The following PAIP2 variants were observed in gnomAD, a reference collection of about 807,000 sequenced individuals.
The protein encoded by PAIP2 is poly(A) binding protein interacting protein 2, also known as polyadenylate-binding protein-interacting protein 2.
PAIP2 carries 7 observed loss-of-function variants against 14.8 expected under a neutral mutation model. The ratio of observed to expected loss-of-function variants is 0.47; its 90% CI spans 0.27 to 0.89. The LOEUF is 0.89. Ranked by LOEUF, PAIP2 falls within the 40% of genes least tolerant of loss-of-function variation. The pLI is 0.13. For synonymous variants in PAIP2, 47 were observed against 45.3 expected (o/e 1.04, Z -0.15); for missense variants, 122 against 154.7 (o/e 0.79, Z 1.12).
chr5:139,351,145 T>C (rs536011672), intron 1 of PAIP2, among the ~76,000 whole-genome samples: 1 of 152,320 alleles, frequency 6.6e-6, no homozygotes, highest in East Asian at 1.9e-4. Flanking sequence ...TCTGGGATTG[T>C]TGAAGATGCA....
intron 1 of PAIP2, among the ~76,000 whole-genome samples, chr5:139,346,483 C>T (rs1039976730): frequency 2.0e-5 from 3 of 151,668 alleles, no homozygotes; most frequent in African/African-American, 7.3e-5. Context: ...ATGATCCACC[C>T]CCTTGGCCTC....
chr5:139,342,190 T>C (rs1289042503), intron 1 of PAIP2, among the ~76,000 whole-genome samples: 1 of 152,058 alleles, frequency 6.6e-6, no homozygotes, highest in Non-Finnish European at 1.5e-5. Context: ...GGCCGTCGCT[T>C]TTTTTTCATT....
intron 1 of PAIP2, among the ~76,000 whole-genome samples, chr5:139,354,542 T>C (rs1482684001): frequency 6.6e-6 from 1 of 152,188 alleles, no homozygotes; most frequent in Non-Finnish European, 1.5e-5. Flanking sequence ...GATACATAGA[T>C]TTGTGTCTTT....
chr5:139,345,493 G>A (rs1561956041), intron 1 of PAIP2, among the ~76,000 whole-genome samples: 1 of 152,124 alleles, frequency 6.6e-6, no homozygotes, highest in Non-Finnish European at 1.5e-5. Context: ...ACGTATATAT[G>A]CGTAAAATAC....
chr5:139,342,382 T>G (rs1183698749), intron 1 of PAIP2: 3 of 152,006 alleles, frequency 2.0e-5, no homozygotes, highest in African/African-American at 4.8e-5. Flanking sequence ...CTACCCACTT[T>G]ACGCCTGCGC....
At chr5:139,349,967 A>G (rs961440003) in intron 1 of PAIP2, among the ~76,000 whole-genome samples, 12 of 151,882 alleles carry the variant, frequency 7.9e-5, no homozygotes, top group Non-Finnish European at 2.9e-5. Flanking sequence ...GCGCCACTAC[A>G]CTCCAGCCTG....
intron 1 of PAIP2, chr5:139,342,802 G>A (rs940811955): frequency 3.3e-5 from 5 of 151,974 alleles, no homozygotes; most frequent in African/African-American, 1.2e-4. Context: ...TATTTTTTAG[G>A]GACTCCTAAA....
chr5:139,346,474 T>C (rs1234318645), intron 1 of PAIP2, among the ~76,000 whole-genome samples: 1 of 151,914 alleles, frequency 6.6e-6, no homozygotes, highest in Non-Finnish European at 1.5e-5. Flanking sequence ...CTTGACCTCA[T>C]GATCCACCCC....
In PAIP2 at chr5:139,345,435, T is replaced by A. The variant is rs188314457; in HGVS notation, c.-27+3455T>A. ...GACTTCAGAGTGGAAAACAGACCAA[T>A]TGAAAAATGTTGCGATCCTCTTTAA... On this transcript the variant is annotated intron_variant, in intron 1 of 3. Transcript: ENST00000265192. Among the ~76,000 whole-genome samples the A allele has an allele frequency of 9.2e-5, 14 of 152,204 alleles. No homozygotes were observed. The East Asian group carries it at 2.7e-3, about 29-fold the overall frequency.
At chr5:139,361,632 A>G (rs754935086) in intron 1 of PAIP2, among the ~76,000 whole-genome samples, 14 of 152,110 alleles carry the variant, frequency 9.2e-5, no homozygotes, top group Non-Finnish European at 2.1e-4. Flanking sequence ...CTTGTATTTG[A>G]TACTACTTTT....
intron 1 of PAIP2, among the ~76,000 whole-genome samples, chr5:139,351,243 A>C (rs953032641): frequency 2.0e-5 from 3 of 152,268 alleles, no homozygotes; most frequent in South Asian, 2.1e-4. Context: ...GTTAAAATGC[A>C]ATGGCCCTTG....
intron 1 of PAIP2, among the ~76,000 whole-genome samples, chr5:139,344,918 T>C (rs1213148208): frequency 6.6e-6 from 1 of 152,130 alleles, no homozygotes; most frequent in African/African-American, 2.4e-5. Context: ...CTAGGTTCTC[T>C]AACTAGGTAC....
At chr5:139,353,280 C>T (rs919351037) in intron 1 of PAIP2, among the ~76,000 whole-genome samples, 27 of 152,076 alleles carry the variant, frequency 1.8e-4, no homozygotes, top group Non-Finnish European at 2.5e-4. Flanking sequence ...TTTTGTGTTT[C>T]CAGCATTTCC....
intron 1 of PAIP2, among the ~76,000 whole-genome samples, chr5:139,355,314 C>T (rs1756875282): frequency 1.3e-5 from 2 of 151,762 alleles, no homozygotes; most frequent in East Asian, 1.9e-4. Flanking sequence ...GGATTACAGG[C>T]ATGCACCCCC....
At chr5:139,349,698 C>T (rs765528340) in intron 1 of PAIP2, among the ~76,000 whole-genome samples, 1 of 151,988 alleles carries the variant, frequency 6.6e-6, no homozygotes, top group Non-Finnish European at 1.5e-5. Context: ...AACGAAACAT[C>T]AGTTATCAAA....
At chr5:139,359,330 G>A (rs1414741802) in intron 1 of PAIP2, among the ~76,000 whole-genome samples, 1 of 151,876 alleles carries the variant, frequency 6.6e-6, no homozygotes, top group Non-Finnish European at 1.5e-5. Flanking sequence ...GTAGAGACAG[G>A]GTTTCGCCAT....
chr5:139,351,315 TA>T (rs879691647), intron 1 of PAIP2, among the ~76,000 whole-genome samples: 207 of 138,574 alleles, frequency 1.5e-3, no homozygotes, highest in Admixed American at 1.7e-3. Context: ...TTGTCTCTAC[TA>T]AAAAAAAAAA....
At chr5:139,356,937 T>C (rs988900977) in intron 1 of PAIP2, among the ~76,000 whole-genome samples, 7 of 152,024 alleles carry the variant, frequency 4.6e-5, no homozygotes, top group Non-Finnish European at 1.5e-5. Flanking sequence ...ATGTGGCAAT[T>C]CTGGAAATTA....
intron 1 of PAIP2, among the ~76,000 whole-genome samples, chr5:139,346,435 C>T (rs534099168): frequency 1.6e-4 from 25 of 151,856 alleles, no homozygotes; most frequent in African/African-American, 5.8e-4. Context: ...GACGGGGTTT[C>T]ACCATGTTGG....
Sources: gnomAD v4.1 joint callset for allele counts (sites outside exome capture counted in the v4.1 genomes callset) on GRCh38, gnomAD v4.1.1 for gene constraint, MANE v1.5 for transcripts, NCBI Gene and HGNC (gene_info 2026-07-23, HGNC 2026-07-21) for gene names.